NRG4: variants seen among roughly 807,000 people sequenced by gnomAD.
NRG4 encodes the protein pro-neuregulin-4, membrane-bound isoform.
In NRG4, 10 loss-of-function variants were observed where a neutral mutation model predicts 15.0. The observed-to-expected ratio is 0.67, with a 90% CI of 0.41 to 1.13. The LOEUF (loss-of-function observed/expected upper bound fraction) is 1.13. Among genes scored for constraint, NRG4 ranks in the 50% most tolerant of loss-of-function variants. The pLI is 0.00. For synonymous variants in NRG4, 41 were observed against 50.1 expected (o/e 0.82, Z 0.77); for missense variants, 139 against 140.2 (o/e 0.99, Z 0.04).
At chr15:75,950,469 A>G (rs1009657265) in intron 5 of NRG4, 12 of 230,650 alleles carry the variant, frequency 5.2e-5, no homozygotes, top group African/African-American at 1.8e-4. Flanking sequence ...CCCTCTGGTC[A>G]GTGGAGTCAC....
rs574383005 is a variant in NRG4 at position 75,977,477 on chromosome 15, C to T, written c.105-15503G>A. ...GCACCCGAGGGAATCTCCTGGTCTG[C>T]GGGTTGCAAAGACCATGGGAAAAGC... On this transcript the variant is annotated intron_variant, in intron 3 of 5. Transcript: ENST00000394907. The surrounding 1 kb of genome is among the most constrained non-coding windows in gnomAD (Gnocchi z 4.9). Among the ~76,000 whole-genome samples the T allele has an allele frequency of 5.3e-5, 8 of 152,324 alleles. No homozygotes were observed. In the South Asian group the frequency reaches 6.2e-4, roughly 12 times the overall value.
At position 76,042,510 on chromosome 15, in the gene NRG4, T is replaced by C. The variant is rs334924; in HGVS notation, c.-104-6519A>G. On this transcript the variant is annotated intron_variant, in intron 4 of 8. Transcript: ENST00000563910. ...AATACTACAGAAATTCAAAGGATCA[T>C]TAGAGGCTACTGTGAGCAACTACAT... Among the ~76,000 whole-genome samples the C allele has an allele frequency of 1.9e-3, 288 of 152,158 alleles. 1 individual carries two copies. The highest frequency in any genetic ancestry group is 6.6e-3 in the African/African-American group (276 of 41,550).
intron 3 of NRG4, among the ~76,000 whole-genome samples, chr15:75,993,230 C>G (rs955101787): frequency 2.7e-5 from 4 of 150,684 alleles, no homozygotes; most frequent in African/African-American, 9.7e-5. Context: ...TGAGCTTAAA[C>G]CTGAAATTTT....
At chr15:75,987,036 A>C (rs1365183722) in intron 3 of NRG4, among the ~76,000 whole-genome samples, 1 of 152,242 alleles carries the variant, frequency 6.6e-6, no homozygotes, top group African/African-American at 2.4e-5. Flanking sequence ...GAATTACATT[A>C]CCAAAGAAAC....
chr15:76,018,428 G>A (rs747156220), intron 5 of NRG4, among the ~76,000 whole-genome samples: 1 of 152,192 alleles, frequency 6.6e-6, no homozygotes, highest in African/African-American at 2.4e-5. Context: ...GGAATTTTCA[G>A]CCTTTTTGTG....
chr15:75,973,028 G>A (rs2033183312), intron 3 of NRG4, among the ~76,000 whole-genome samples: 1 of 152,124 alleles, frequency 6.6e-6, no homozygotes, highest in Non-Finnish European at 1.5e-5. Context: ...CCATTTGTTT[G>A]TGTCCTCTCT....
At chr15:76,017,158 T>TTGA, upstream of NRG4, among the ~76,000 whole-genome samples, 1 of 121,878 alleles carries the variant, frequency 8.2e-6, no homozygotes, top group South Asian at 2.3e-4. Flanking sequence ...CCCCTGCCTT[T>TTGA]TTTTTTTTTT....
intron 3 of NRG4, among the ~76,000 whole-genome samples, chr15:75,987,152 G>A (rs1024598135): frequency 2.6e-5 from 4 of 152,172 alleles, no homozygotes; most frequent in African/African-American, 9.7e-5. Context: ...CCCCAGGAAA[G>A]AAGTATATTT....
chr15:76,007,998 T>C (rs1433904292), intron 3 of NRG4, among the ~76,000 whole-genome samples: 2 of 152,186 alleles, frequency 1.3e-5, no homozygotes, highest in Non-Finnish European at 2.9e-5. Context: ...TTGAGCACAG[T>C]CAGCAACAAA....
At chr15:75,936,976 G>T (rs1057097795), downstream of NRG4, 2 of 152,162 alleles carry the variant, frequency 1.3e-5, no homozygotes, top group Non-Finnish European at 2.9e-5. Flanking sequence ...GAAATTGAAA[G>T]AAAATATATT....
chr15:75,937,949 T>C (rs1312296872), downstream of NRG4: 1 of 152,000 alleles, frequency 6.6e-6, no homozygotes, highest in African/African-American at 2.4e-5. Context: ...GGGTAAGACT[T>C]TGGGAAATTA....
At chr15:76,018,970 GT>G (rs1334358217) in intron 5 of NRG4, among the ~76,000 whole-genome samples, 3 of 152,028 alleles carry the variant, frequency 2.0e-5, no homozygotes, top group Non-Finnish European at 4.4e-5. Context: ...GGAGATGGGG[GT>G]TTTATCCATA....
intron 3 of NRG4, among the ~76,000 whole-genome samples, chr15:75,988,630 T>C (rs1453209787): frequency 6.6e-6 from 1 of 152,174 alleles, no homozygotes; most frequent in Admixed American, 6.5e-5. Flanking sequence ...CTTTATATTC[T>C]ACATGTCACA....
chr15:76,023,130 C>CCACACACACACACA (rs10572540), intron 5 of NRG4, among the ~76,000 whole-genome samples: 21 of 120,182 alleles, frequency 1.7e-4, no homozygotes, highest in Non-Finnish European at 2.9e-4. Context: ...CACCCATACT[C>CCACACACACACACA]CACACACACA....
rs561915278 is a variant in NRG4 at position 76,049,117 on chromosome 15, G to A, written c.-105+2950C>T. 2.0e-5 allele frequency among the ~76,000 whole-genome samples: 3 copies of A among 150,542 alleles called. 1 individual carries two copies. Among genetic ancestry groups the A allele is most frequent in the African/African-American group, 7.4e-5 (3 of 40,316 alleles). On this transcript the variant is annotated intron_variant, in intron 4 of 8. Transcript: ENST00000563910. ...CAGGAAAACTTCTCTGAAATAAGAG[G>A]GTCAACCAGCCTAGTTACTTTTCAT...
intron 5 of NRG4, among the ~76,000 whole-genome samples, chr15:76,023,824 A>C (rs1445477061): frequency 6.6e-6 from 1 of 152,184 alleles, no homozygotes; most frequent in East Asian, 1.9e-4. Flanking sequence ...CACTGCCTGC[A>C]CTTCCAGTGG....
intron 5 of NRG4, among the ~76,000 whole-genome samples, chr15:75,945,272 TTA>T (rs869069909): frequency 0.022 from 458 of 20,992 alleles, 3 homozygotes; most frequent in Middle Eastern, 0.038. Context: ...TATTTTTATT[TTA>T]TTTTTTTTGT....
intron 3 of NRG4, among the ~76,000 whole-genome samples, chr15:75,996,987 A>G (rs1407519906): frequency 6.6e-6 from 1 of 152,108 alleles, no homozygotes; most frequent in Non-Finnish European, 1.5e-5. Flanking sequence ...AAATTATTTT[A>G]ATAGTATTTT....
At chr15:75,990,589 T>C (rs759385929) in intron 3 of NRG4, among the ~76,000 whole-genome samples, 3 of 152,156 alleles carry the variant, frequency 2.0e-5, no homozygotes, top group Non-Finnish European at 4.4e-5. Flanking sequence ...GAAGCCTCTA[T>C]TATAATTCTT....
Sources: gnomAD v4.1 joint callset for allele counts (sites outside exome capture counted in the v4.1 genomes callset) on GRCh38, gnomAD v4.1.1 for gene constraint, Gnocchi (gnomAD v3.1) non-coding constraint, MANE v1.5 for transcripts, NCBI Gene and HGNC (gene_info 2026-07-23, HGNC 2026-07-21) for gene names.